PRKCB: variants seen among roughly 807,000 people sequenced by gnomAD.
The protein encoded by PRKCB is protein kinase C beta type.
In PRKCB, 13 loss-of-function variants were observed where a neutral mutation model predicts 81.5. The observed-to-expected ratio is 0.16, with a 90% CI of 0.10 to 0.25. PRKCB has a LOEUF of 0.25. Among genes scored for constraint, PRKCB ranks in the 10% least tolerant of loss-of-function variants. PRKCB has a pLI of 1.00. For missense variants in PRKCB, 509 were observed against 875.7 expected (o/e 0.58, Z 5.29); for synonymous variants, 335 against 321.4 (o/e 1.04, Z -0.45).
At chr16:24,049,047 GTTTTTTTTTT>G (rs1160842975) in intron 5 of PRKCB, among the ~76,000 whole-genome samples, 27 of 49,696 alleles carry the variant, frequency 5.4e-4, no homozygotes, top group Admixed American at 1.5e-3. Flanking sequence ...AAATTGGCCT[GTTTTTTTTTT>G]TTTTTTTTTT....
At chr16:24,014,379 C>A (rs758019867) in intron 3 of PRKCB, among the ~76,000 whole-genome samples, 9 of 152,038 alleles carry the variant, frequency 5.9e-5, no homozygotes, top group Non-Finnish European at 1.0e-4. Context: ...AACTACTGTA[C>A]ACCCTGAGCA....
At position 24,047,537 on chromosome 16, in the gene PRKCB, T is replaced by TA. The variant is rs796565689; in HGVS notation, c.529+12004dup. 9.7e-4 allele frequency among the ~76,000 whole-genome samples: 125 copies of TA among 128,272 alleles called. 1 individual carries two copies. Among genetic ancestry groups the TA allele is most frequent in the Middle Eastern group, 7.7e-3 (2 of 260 alleles). 84.2% of individuals were successfully genotyped at this position (128,272 alleles called of 152,430 possible). On this transcript the variant is annotated intron_variant, in intron 5 of 16. Transcript: ENST00000643927. ...CAGAGCGAGACCCTGTCTCTCCTTCTAAAAAAAAAAAAAAGAATTTGAGCA... is the reference window on the plus strand; with the variant it reads ...CAGAGCGAGACCCTGTCTCTCCTTCTAAAAAAAAAAAAAAAGAATTTGAGCA...
At chr16:24,012,897 C>T (rs1224013363) in intron 3 of PRKCB, among the ~76,000 whole-genome samples, 2 of 152,240 alleles carry the variant, frequency 1.3e-5, no homozygotes, top group Admixed American at 1.3e-4. Flanking sequence ...TTTGCACATA[C>T]TTCTCCCTTG....
intron 5 of PRKCB, among the ~76,000 whole-genome samples, chr16:24,082,632 T>C (rs181579598): frequency 6.6e-6 from 1 of 152,314 alleles, no homozygotes; most frequent in African/African-American, 2.4e-5. Context: ...CAACAAATGA[T>C]GTTGGAATGA....
chr16:24,124,863 C>A (rs1392546331), intron 9 of PRKCB, among the ~76,000 whole-genome samples: 2 of 152,160 alleles, frequency 1.3e-5, no homozygotes, highest in African/African-American at 4.8e-5. Context: ...TGGCCACCGC[C>A]CCCCACAGCC....
At chr16:23,882,495 G>A (rs1186864000) in intron 2 of PRKCB, among the ~76,000 whole-genome samples, 1 of 152,208 alleles carries the variant, frequency 6.6e-6, no homozygotes, top group Admixed American at 6.5e-5. Context: ...AAGGTGAAGG[G>A]ATGAGCCTCC....
chr16:23,837,645 C>T (rs915391329), intron 2 of PRKCB, among the ~76,000 whole-genome samples: 3 of 152,254 alleles, frequency 2.0e-5, no homozygotes, highest in African/African-American at 4.8e-5. Context: ...GCCTTCCCGG[C>T]TCTGGAAGAG....
rs371165134 is a variant in PRKCB at position 23,915,422 on chromosome 16, C to T, written c.206-73086C>T. On this transcript the variant is annotated intron_variant, in intron 2 of 16. Transcript: ENST00000643927. Reference sequence around the variant, plus strand: ...AGCAGAGGCTGGGAGCTGTAGTTCACGCCTGTAACCCCAGCACTTCGGGAG... The same window carrying T: ...AGCAGAGGCTGGGAGCTGTAGTTCATGCCTGTAACCCCAGCACTTCGGGAG... Among the ~76,000 whole-genome samples, 8 of 152,158 alleles carry T rather than the reference C, an allele frequency of 5.3e-5. No homozygotes were observed. The South Asian group carries it at 6.2e-4, about 12-fold the overall frequency.
intron 5 of PRKCB, among the ~76,000 whole-genome samples, chr16:24,049,058 T>TTG (rs1194218056): frequency 7.2e-6 from 1 of 139,682 alleles, no homozygotes; most frequent in African/African-American, 2.7e-5. Context: ...TTTTTTTTTT[T>TTG]TTTTTTTTTT....
intron 9 of PRKCB, among the ~76,000 whole-genome samples, chr16:24,138,948 C>G (rs1447663980): frequency 6.7e-6 from 1 of 149,420 alleles, no homozygotes; most frequent in Admixed American, 6.8e-5. Flanking sequence ...ACCTCCCAGG[C>G]TCAAGCGATT....
intron 5 of PRKCB, among the ~76,000 whole-genome samples, chr16:24,064,481 A>T (rs1300411529): frequency 1.3e-5 from 2 of 152,210 alleles, no homozygotes; most frequent in Non-Finnish European, 2.9e-5. Context: ...CAGTCTGAAA[A>T]CATACATAAT....
chr16:24,051,265 G>A (rs572511514), intron 5 of PRKCB, among the ~76,000 whole-genome samples: 62 of 152,352 alleles, frequency 4.1e-4, no homozygotes, highest in Non-Finnish European at 7.3e-4. Flanking sequence ...GTGAGAAGGA[G>A]CAGGTAGGGC....
At chr16:24,127,325 A>G (rs1229627662) in intron 9 of PRKCB, among the ~76,000 whole-genome samples, 1 of 152,088 alleles carries the variant, frequency 6.6e-6, no homozygotes, top group Admixed American at 6.6e-5. Context: ...TTAATAAGCA[A>G]TGCATTCACA....
intron 7 of PRKCB, among the ~76,000 whole-genome samples, chr16:24,110,741 G>T (rs2141916892): frequency 6.6e-6 from 1 of 151,938 alleles, no homozygotes; most frequent in East Asian, 1.9e-4. Context: ...GCTGATCTTG[G>T]ACTCCTGGCC....
rs10580054 is a variant in PRKCB at position 23,933,960 on chromosome 16, T to TCATCCATC, written c.206-54523_206-54516dup. Among the ~76,000 whole-genome samples, 29 of 130,086 alleles carry TCATCCATC rather than the reference T, an allele frequency of 2.2e-4. 1 individual carries two copies. The highest frequency in any genetic ancestry group is 1.0e-3 in the South Asian group (4 of 3,816). 85.3% of individuals were successfully genotyped at this position (130,086 alleles called of 152,430 possible). A position where few individuals can be genotyped will look rare whatever the true frequency, so the allele number is the denominator to read the frequency against. The stretch of plus-strand genomic sequence containing the variant: ...CCATCCATCCATCCATCCACCTACC[T>TCATCCATC]CATCCATCCATCCATCCATCCATCC... On this transcript the variant is annotated intron_variant, in intron 2 of 16. Coordinates refer to ENST00000643927, the MANE Select transcript of PRKCB (RefSeq NM_002738.7).
intron 5 of PRKCB, among the ~76,000 whole-genome samples, chr16:24,051,077 C>T (rs1965836001): frequency 6.6e-6 from 1 of 152,180 alleles, no homozygotes; most frequent in South Asian, 2.1e-4. Context: ...TCACCTTCCT[C>T]ACACCATTCT....
At chr16:24,044,335 C>T (rs1965739809) in intron 5 of PRKCB, among the ~76,000 whole-genome samples, 2 of 151,938 alleles carry the variant, frequency 1.3e-5, no homozygotes, top group Admixed American at 6.5e-5. Context: ...GCACTACAGC[C>T]TGGGTGATAG....
chr16:23,962,751 T>A (rs997995819), intron 2 of PRKCB, among the ~76,000 whole-genome samples: 18 of 152,176 alleles, frequency 1.2e-4, no homozygotes, highest in Non-Finnish European at 8.8e-5. Flanking sequence ...TTTTTTCTTT[T>A]ATTTTAATTT....
At chr16:24,214,048 C>A (rs1469260625) in intron 16 of PRKCB, among the ~76,000 whole-genome samples, 1 of 152,210 alleles carries the variant, frequency 6.6e-6, no homozygotes. Context: ...TAACCAGGGG[C>A]CTCGTGGTTG....
Sources: allele counts gnomAD v4.1 joint callset (sites outside exome capture counted in the v4.1 genomes callset), GRCh38; gene constraint gnomAD v4.1.1; transcripts MANE v1.5; gene names NCBI Gene and HGNC (gene_info 2026-07-23, HGNC 2026-07-21).